The following BRINP3 variants were observed in gnomAD, a reference collection of about 807,000 sequenced individuals.
The protein encoded by BRINP3 is BMP/retinoic acid-inducible neural-specific protein 3.
Under a neutral mutation model 71.0 loss-of-function variants are expected in BRINP3, and 19 were observed. The ratio of observed to expected loss-of-function variants is 0.27; its 90% confidence interval spans 0.19 to 0.39. BRINP3 has a LOEUF of 0.39. Among genes scored for constraint, BRINP3 ranks in the 10% least tolerant of loss-of-function variants. The probability of loss-of-function intolerance (pLI) is 1.00; values close to 1 mark genes in which losing one functional copy is unlikely to be tolerated. For missense variants in BRINP3, 959 were observed against 940.8 expected, an observed-to-expected ratio of 1.02 and a Z score of -0.25; for synonymous variants, 380 against 337.7, an observed-to-expected ratio of 1.13 and a Z score of -1.37.
intron 2 of BRINP3, among the ~76,000 whole-genome samples, chr1:190,397,295 C>A (rs1424344325): frequency 6.6e-6 from 1 of 151,886 alleles, no homozygotes; most frequent in Non-Finnish European, 1.5e-5. Flanking sequence ...CATGTCACAT[C>A]GGAATTGTTC....
At chr1:190,240,137 T>C (rs4255389) in intron 4 of BRINP3, among the ~76,000 whole-genome samples, 58,207 of 151,636 alleles carry the variant, frequency 0.38, 12,550 homozygotes, top group Non-Finnish European at 0.49. Flanking sequence ...CATTTTTAAG[T>C]ATGCACTATT....
intron 2 of BRINP3, among the ~76,000 whole-genome samples, chr1:190,367,986 T>A (rs910470661): frequency 6.6e-6 from 1 of 152,156 alleles, no homozygotes; most frequent in Non-Finnish European, 1.5e-5. Flanking sequence ...CCCTCCAAAC[T>A]GTTTCAACCT....
At chr1:190,280,260 T>C (rs1232457516) in intron 3 of BRINP3, among the ~76,000 whole-genome samples, 1 of 151,554 alleles carries the variant, frequency 6.6e-6, no homozygotes. Flanking sequence ...GACTGAAAAA[T>C]AGAGCATGAG....
chr1:190,235,253 G>A (rs1658402846), intron 4 of BRINP3, among the ~76,000 whole-genome samples: 1 of 152,016 alleles, frequency 6.6e-6, no homozygotes, highest in Admixed American at 6.6e-5. Flanking sequence ...AATCTCATAT[G>A]TGGACTGATT....
intron 4 of BRINP3, among the ~76,000 whole-genome samples, chr1:190,246,653 AC>A (rs1250448703): frequency 2.6e-5 from 4 of 152,112 alleles, no homozygotes; most frequent in Non-Finnish European, 1.5e-5. Context: ...TGAGGGAAAA[AC>A]TTTTGATAAT....
At chr1:190,186,147 G>A (rs543751386) in intron 6 of BRINP3, among the ~76,000 whole-genome samples, 136 of 152,092 alleles carry the variant, frequency 8.9e-4, no homozygotes, top group African/African-American at 3.1e-3. Context: ...AGGCCGAGAC[G>A]GGTGGATTAC....
intron 6 of BRINP3, among the ~76,000 whole-genome samples, chr1:190,189,225 T>A (rs1311295932): frequency 1.3e-5 from 2 of 152,162 alleles, no homozygotes; most frequent in South Asian, 2.1e-4. Flanking sequence ...TTTGTATTAA[T>A]TGTTCTTTAA....
chr1:190,168,008 A>G (rs541709135), intron 6 of BRINP3, among the ~76,000 whole-genome samples: 10 of 152,258 alleles, frequency 6.6e-5, no homozygotes, highest in South Asian at 4.1e-4. Flanking sequence ...TCTGACTTCA[A>G]TGAATATATA....
intron 7 of BRINP3, among the ~76,000 whole-genome samples, chr1:190,149,659 G>T (rs1179930676): frequency 6.6e-6 from 1 of 150,574 alleles, no homozygotes; most frequent in Non-Finnish European, 1.5e-5. Flanking sequence ...GTGTGTGTAT[G>T]TGAGAGAGAG....
chr1:190,188,138 A>G (rs1400224089), intron 6 of BRINP3, among the ~76,000 whole-genome samples: 1 of 151,964 alleles, frequency 6.6e-6, no homozygotes, highest in Non-Finnish European at 1.5e-5. Context: ...ACCTATTGTA[A>G]ATGTGATTTT....
intron 1 of BRINP3, among the ~76,000 whole-genome samples, chr1:190,468,611 C>T (rs974281595): frequency 1.3e-5 from 2 of 151,034 alleles, no homozygotes; most frequent in African/African-American, 2.4e-5. Flanking sequence ...AACATATTAG[C>T]GTTACATTTT....
At chr1:190,181,131 G>A (rs571147667) in intron 6 of BRINP3, among the ~76,000 whole-genome samples, 2 of 152,140 alleles carry the variant, frequency 1.3e-5, no homozygotes, top group South Asian at 4.1e-4. Context: ...AATTTTGAAA[G>A]TGTAATACAC....
intron 7 of BRINP3, among the ~76,000 whole-genome samples, chr1:190,113,165 G>T (rs985019885): frequency 6.6e-5 from 10 of 151,826 alleles, no homozygotes; most frequent in African/African-American, 1.9e-4. Flanking sequence ...ATAATCAATT[G>T]ATTATTATTA....
chr1:190,127,071 A>G (rs1356269698), intron 7 of BRINP3, among the ~76,000 whole-genome samples: 1 of 151,948 alleles, frequency 6.6e-6, no homozygotes, highest in Admixed American at 6.6e-5. Flanking sequence ...TCACCATTGT[A>G]CACAATATGG....
intron 2 of BRINP3, among the ~76,000 whole-genome samples, chr1:190,430,931 C>T (rs1282881872): frequency 6.6e-6 from 1 of 151,822 alleles, no homozygotes; most frequent in Admixed American, 6.6e-5. Flanking sequence ...TCTGTTTATC[C>T]TGTTCAAATG....
chr1:190,473,851 C>T (rs1196373162), intron 1 of BRINP3, among the ~76,000 whole-genome samples: 2 of 151,424 alleles, frequency 1.3e-5, no homozygotes, highest in Non-Finnish European at 2.9e-5. Flanking sequence ...GCTACACTGC[C>T]CTTGGGCAAG....
At chr1:190,438,693 T>C (rs943625430) in intron 2 of BRINP3, among the ~76,000 whole-genome samples, 2 of 151,774 alleles carry the variant, frequency 1.3e-5, no homozygotes, top group Non-Finnish European at 3.0e-5. Context: ...GCATGTTAGT[T>C]TGAGATATGT....
At chr1:190,295,055 A>G (rs12074400) in intron 2 of BRINP3, among the ~76,000 whole-genome samples, 2,603 of 152,048 alleles carry the variant, frequency 0.017, 74 homozygotes, top group African/African-American at 0.059. Flanking sequence ...TGCAGCTTGT[A>G]AGGTACTGAA....
chr1:190,160,910 A>AT lies in BRINP3; in HGVS notation c.962-21_962-20insA, dbSNP rs1362468718. On this transcript the variant is annotated intron_variant, in intron 6 of 7. Transcript: ENST00000367462. The stretch of plus-strand genomic sequence containing the variant: ...ATTCATCTGAAAAATGTCAAAATTC[A>AT]ACACTTTAATTATGAAACAATTATT... 1 of 1,536,044 alleles carries AT rather than the reference A, an allele frequency of 6.5e-7. No homozygotes were observed.
Sources: gnomAD v4.1 joint callset for allele counts (sites outside exome capture counted in the v4.1 genomes callset) on GRCh38, gnomAD v4.1.1 for gene constraint, MANE v1.5 for transcripts, NCBI Gene and HGNC (gene_info 2026-07-23, HGNC 2026-07-21) for gene names.